PTPRN2: variants seen among roughly 807,000 people sequenced by gnomAD.
PTPRN2 encodes the protein receptor-type tyrosine-protein phosphatase N2.
Under a neutral mutation model 118.8 loss-of-function variants are expected in PTPRN2, and 74 were observed. That is an observed-to-expected ratio of 0.62 (90% CI 0.52 to 0.76). The LOEUF (loss-of-function observed/expected upper bound fraction) is 0.76. PTPRN2 is among the 30% of genes least tolerant of loss of function. PTPRN2 has a pLI of 0.00. For missense variants in PTPRN2, 1,481 were observed against 1,394.4 expected (o/e 1.06, Z -0.99); for synonymous variants, 641 against 608.0 (o/e 1.05, Z -0.80).
Position 158,570,770 on chromosome 7 carries a change from G to A in PTPRN2, c.112+16788C>T, listed in dbSNP as rs1827981795. ...CCCCGTCTCCGACCACGGACTCACC[G>A]GGAAGCACCAAGGAGAACCGCCTCC... On this transcript the variant is annotated intron_variant, in intron 1 of 22. Coordinates refer to ENST00000389418, the MANE Select transcript of PTPRN2 (RefSeq NM_002847.5). This position sits in a 1 kb window ranked among gnomAD's most constrained non-coding sequence, Gnocchi z 4.5. 6.6e-6 allele frequency among the ~76,000 whole-genome samples: 1 copy of A among 152,340 alleles called. No homozygotes were observed. Among genetic ancestry groups the A allele is most frequent in the South Asian group, 2.1e-4 (1 of 4,818 alleles).
At chr7:158,151,166 G>C (rs13231105) in intron 6 of PTPRN2, among the ~76,000 whole-genome samples, 1 of 15,584 alleles carries the variant, frequency 6.4e-5, no homozygotes. Flanking sequence ...TGCCCACACC[G>C]CCCGCCTTTC....
chr7:158,064,865 TG>T (rs1299618411), intron 11 of PTPRN2, among the ~76,000 whole-genome samples: 1 of 151,782 alleles, frequency 6.6e-6, no homozygotes, highest in Admixed American at 6.6e-5. Flanking sequence ...GGGAAAGGAG[TG>T]CCAGGGCCTC....
chr7:157,546,601 C>G (rs1037052036), intron 22 of PTPRN2, among the ~76,000 whole-genome samples: 16 of 152,250 alleles, frequency 1.1e-4, no homozygotes, highest in African/African-American at 3.9e-4. Flanking sequence ...CTGTAAAGGA[C>G]ATGATCTCAT....
chr7:157,608,449 C>T (rs530877805), intron 15 of PTPRN2, among the ~76,000 whole-genome samples: 16 of 152,246 alleles, frequency 1.1e-4, no homozygotes, highest in South Asian at 1.0e-3. Context: ...GGCCAAGGGA[C>T]GCTGCAGGCT....
intron 12 of PTPRN2, among the ~76,000 whole-genome samples, chr7:157,781,330 T>A (rs536274486): frequency 6.6e-6 from 1 of 152,354 alleles, no homozygotes; most frequent in African/African-American, 2.4e-5. Context: ...ATTTTCAGAA[T>A]AACACACAGT....
chr7:158,163,568 G>A (rs111432690), intron 6 of PTPRN2, among the ~76,000 whole-genome samples: 4 of 150,576 alleles, frequency 2.7e-5, no homozygotes, highest in Non-Finnish European at 4.4e-5. Flanking sequence ...ACGCCTGTAC[G>A]GGGTTCTCAA....
intron 12 of PTPRN2, among the ~76,000 whole-genome samples, chr7:157,814,318 C>T (rs142463843): frequency 6.3e-4 from 96 of 152,286 alleles, no homozygotes; most frequent in Non-Finnish European, 1.2e-3. Context: ...AGAGCTCCCC[C>T]GGAGAAGGCC....
At chr7:158,116,000 G>A (rs1816698110) in intron 9 of PTPRN2, among the ~76,000 whole-genome samples, 1 of 152,170 alleles carries the variant, frequency 6.6e-6, no homozygotes, top group Non-Finnish European at 1.5e-5. Flanking sequence ...AGTTTTATAA[G>A]ACAGGCCCGC....
chr7:158,162,148 G>A (rs1014922777), intron 6 of PTPRN2, among the ~76,000 whole-genome samples: 1 of 152,224 alleles, frequency 6.6e-6, no homozygotes, highest in Non-Finnish European at 1.5e-5. Context: ...GCAGAATGCA[G>A]AATGCCACAG....
At chr7:157,762,982 G>C (rs962262926) in intron 12 of PTPRN2, among the ~76,000 whole-genome samples, 1 of 151,698 alleles carries the variant, frequency 6.6e-6, no homozygotes, top group East Asian at 2.0e-4. Flanking sequence ...GCCCACTCAC[G>C]GTCGGTCACA....
At chr7:158,316,406 A>G (rs1802325330) in intron 3 of PTPRN2, among the ~76,000 whole-genome samples, 1 of 152,158 alleles carries the variant, frequency 6.6e-6, no homozygotes, top group Non-Finnish European at 1.5e-5. Context: ...AATTTTAAAA[A>G]TTATCTTCTC....
At chr7:158,000,273 T>G (rs1805112850) in intron 11 of PTPRN2, among the ~76,000 whole-genome samples, 1 of 152,120 alleles carries the variant, frequency 6.6e-6, no homozygotes, top group Admixed American at 6.5e-5. Flanking sequence ...CATTCCCCAG[T>G]CAGGGGAATA....
At chr7:158,307,014 G>C (rs1043825381) in intron 3 of PTPRN2, among the ~76,000 whole-genome samples, 2 of 151,976 alleles carry the variant, frequency 1.3e-5, no homozygotes, top group African/African-American at 4.8e-5. Flanking sequence ...TTACAGGCAT[G>C]CACCACCATG....
At position 157,893,327 on chromosome 7, in the gene PTPRN2, G is replaced by A. The variant is rs1796915883; in HGVS notation, c.1788+5346C>T. 2.6e-5 allele frequency among the ~76,000 whole-genome samples: 4 copies of A among 152,344 alleles called. No individual in the cohort carries two copies. The South Asian group carries it at 8.3e-4, about 32-fold the overall frequency. ...AGGTTGGATGTGGATGGAAGCAGAG[G>A]TGTGGTGCTGTGCAGGTGAGCTCCT... On this transcript the variant is annotated intron_variant, in intron 12 of 22. Coordinates refer to ENST00000389418, the MANE Select transcript of PTPRN2 (RefSeq NM_002847.5). The surrounding 1 kb of genome is among the most constrained non-coding windows in gnomAD (Gnocchi z 4.0).
intron 2 of PTPRN2, among the ~76,000 whole-genome samples, chr7:158,327,622 G>A (rs1226888105): frequency 6.6e-6 from 1 of 152,184 alleles, no homozygotes; most frequent in Non-Finnish European, 1.5e-5. Flanking sequence ...AGCAGAAGGA[G>A]CCCTCACCAG....
intron 2 of PTPRN2, among the ~76,000 whole-genome samples, chr7:158,477,940 C>T (rs1820380989): frequency 6.6e-6 from 1 of 152,242 alleles, no homozygotes; most frequent in Admixed American, 6.5e-5. Flanking sequence ...TCTGCCTCCA[C>T]ACATCCACCC....
At chr7:158,095,853 C>T (rs1223230376) in intron 10 of PTPRN2, among the ~76,000 whole-genome samples, 1 of 152,200 alleles carries the variant, frequency 6.6e-6, no homozygotes, top group East Asian at 1.9e-4. Context: ...ACTGGGATTA[C>T]AGGCGTGAGC....
rs1479474378 is a variant in PTPRN2 at position 158,324,076 on chromosome 7, CA to C, written c.164-7145del. On this transcript the variant is annotated intron_variant, in intron 2 of 22. Coordinates refer to ENST00000389418, the MANE Select transcript of PTPRN2 (RefSeq NM_002847.5). ...GCAAACGTGCACACACACACACACA[CA>C]CCCAGACACACTAACTCATATACAG... is the stretch of plus-strand genomic sequence containing the variant. 6.0e-4 allele frequency among the ~76,000 whole-genome samples: 91 copies of C among 152,270 alleles called. 1 individual carries two copies. The highest frequency in any genetic ancestry group is 1.5e-3 in the African/African-American group (62 of 41,532).
intron 1 of PTPRN2, among the ~76,000 whole-genome samples, chr7:158,559,193 A>G (rs1827224807): frequency 6.6e-6 from 1 of 152,250 alleles, no homozygotes; most frequent in Admixed American, 6.5e-5. Flanking sequence ...AAAAGGAATA[A>G]TAAGAAAAAT....
Sources: gnomAD v4.1 joint callset for allele counts (sites outside exome capture counted in the v4.1 genomes callset) on GRCh38, gnomAD v4.1.1 for gene constraint, Gnocchi (gnomAD v3.1) non-coding constraint, MANE v1.5 for transcripts, NCBI Gene and HGNC (gene_info 2026-07-23, HGNC 2026-07-21) for gene names.